Variants in MCM5 observed in about 807,000 individuals in gnomAD.
The protein encoded by MCM5 is DNA replication licensing factor MCM5.
MCM5 carries 46 observed loss-of-function variants against 79.9 expected under a neutral mutation model. The observed-to-expected ratio is 0.58, with a 90% CI of 0.45 to 0.74. The LOEUF is 0.74. Among genes scored for constraint, MCM5 ranks in the 30% least tolerant of loss-of-function variants. MCM5 has a pLI of 0.00. For synonymous variants in MCM5, 404 were observed against 390.5 expected, an observed-to-expected ratio of 1.03 and a Z score of -0.41; for missense variants, 883 against 1,017.0, an observed-to-expected ratio of 0.87 and a Z score of 1.79.
chr22:35,439,311 C>T, the MCM5 span, among the ~76,000 whole-genome samples: 5 of 151,642 alleles, frequency 3.3e-5, no homozygotes, highest in Admixed American at 2.0e-4. Context: ...ATCCATCCAA[C>T]CACCCACCCA....
chr22:35,453,923 G>A, the MCM5 span, among the ~76,000 whole-genome samples: 1 of 151,320 alleles, frequency 6.6e-6, no homozygotes, highest in African/African-American at 2.4e-5. Context: ...AGATACTTAG[G>A]AAGGGGTGTC....
the MCM5 span, among the ~76,000 whole-genome samples, chr22:35,447,171 C>T: frequency 1.3e-5 from 2 of 152,142 alleles, no homozygotes; most frequent in South Asian, 2.1e-4. Context: ...GCGTCCCTCT[C>T]GGTGTTGCTG....
intron 13 of MCM5, among the ~76,000 whole-genome samples, 187 bp downstream of exon 13, chr22:35,418,043 C>CAGTT (rs1932593210): frequency 6.6e-6 from 1 of 152,190 alleles, no homozygotes; most frequent in Non-Finnish European, 1.5e-5. Flanking sequence ...CTCTTGGCTT[C>CAGTT]AGTTTTCCCA....
intron 6 of MCM5, 80 bp from the exon 7 acceptor site, chr22:35,410,664 C>A: frequency 7.1e-7 from 1 of 1,405,902 alleles, no homozygotes; most frequent in Non-Finnish European, 1.0e-6. Context: ...CCTGCGTGTC[C>A]TGGGCATGGG....
chr22:35,443,290 G>A, the MCM5 span, among the ~76,000 whole-genome samples: 2 of 152,146 alleles, frequency 1.3e-5, no homozygotes, highest in African/African-American at 4.8e-5. Flanking sequence ...AGGTTCAAGT[G>A]ATTCTCCTAC....
Position 35,425,254 on chromosome 22 carries a change from G to T in MCM5, c.*999G>T, listed in dbSNP as rs1194174774. The T allele has an allele frequency of 6.6e-6, 1 of 152,038 alleles. No homozygotes were observed. The highest frequency in any genetic ancestry group is 1.5e-5 in the Non-Finnish European group (1 of 68,024). The allele number at this position is 152,038 out of a possible 1,614,324, so 9.4% of individuals were successfully genotyped here. ...TTCATAAAATTAAATAGAAATCAGT[G>T]AAATAAAATATTTGATATTTAAAAT... On this transcript the variant is annotated 3_prime_UTR_variant, in exon 17 of 17. Transcript: ENST00000216122.
the MCM5 span, among the ~76,000 whole-genome samples, chr22:35,436,603 C>T: frequency 7.9e-5 from 12 of 152,218 alleles, no homozygotes; most frequent in African/African-American, 2.2e-4. Flanking sequence ...TCCCTGGCTT[C>T]GTGCCCTCTC....
At chr22:35,443,538 C>G in the MCM5 span, among the ~76,000 whole-genome samples, 2 of 152,256 alleles carry the variant, frequency 1.3e-5, no homozygotes, top group East Asian at 1.9e-4. Flanking sequence ...CACGCCAGTG[C>G]TGCGCCTGCC....
intron 15 of MCM5, chr22:35,421,814 C>A: frequency 2.8e-6 from 1 of 352,732 alleles, no homozygotes; most frequent in South Asian, 2.3e-5. Context: ...TTTTGCCTTA[C>A]AGCTGCCCCC....
Position 35,415,892 on chromosome 22 carries a change from T to G in MCM5, c.1267T>G (p.Ser423Ala). The change falls in exon 10 of 17, where the codon TCG (serine) becomes GCG (alanine). Residue 423 changes from serine (S) to alanine (A), a missense_variant. This residue lies in a region of MCM5 where 426 missense variants were observed against 482.3 expected (regional missense o/e 0.88). Transcript: ENST00000216122. ...GLTASVMRDP[S>A]SRNFIMEGGA... ...GACAGCCTCGGTGATGAGGGACCCTTCGTCCCGGAATTTCATCATGGAGGG... is the reference window on the plus strand; with the variant it reads ...GACAGCCTCGGTGATGAGGGACCCTGCGTCCCGGAATTTCATCATGGAGGG... 6.2e-7 allele frequency: 1 copy of G among 1,614,118 alleles called. No homozygotes were observed. Among genetic ancestry groups the G allele is most frequent in the Non-Finnish European group, 8.5e-7 (1 of 1,180,030 alleles).
rs1931992239 is a variant in MCM5, at chr22:35,400,168, G to C, written c.-49G>C. The C allele has an allele frequency of 2.2e-6, 1 of 460,544 alleles. No individual in the cohort carries two copies. The highest frequency in any genetic ancestry group is 4.0e-6 in the Non-Finnish European group (1 of 252,580). 28.5% of individuals were successfully genotyped at this position (460,544 alleles called of 1,614,324 possible). ...CGAAACTCGGCGGCTGAGCGTGGAGGTTCTTGTCTCCCCTGGTTTGTGAAG... is the reference window on the plus strand; with the variant it reads ...CGAAACTCGGCGGCTGAGCGTGGAGCTTCTTGTCTCCCCTGGTTTGTGAAG... On this transcript the variant is annotated 5_prime_UTR_variant, in exon 1 of 17. Coordinates refer to ENST00000216122, the MANE Select transcript of MCM5 (RefSeq NM_006739.4).
chr22:35,454,777 C>T, the MCM5 span, among the ~76,000 whole-genome samples: 6 of 152,296 alleles, frequency 3.9e-5, no homozygotes, highest in Middle Eastern at 3.4e-3. Context: ...TCTGGCTTCT[C>T]GGCCTCTGCA....
chr22:35,434,647 A>G, the MCM5 span, among the ~76,000 whole-genome samples: 1 of 152,164 alleles, frequency 6.6e-6, no homozygotes, highest in Non-Finnish European at 1.5e-5. Flanking sequence ...GTCTGACAAC[A>G]CCTTTACCCC....
In MCM5 at chr22:35,410,831, G is replaced by A; in HGVS notation, c.840G>A (p.Arg280=). 2 of 1,614,020 alleles carry A rather than the reference G, an allele frequency of 1.2e-6. No homozygotes were observed. The highest frequency in any genetic ancestry group is 1.7e-6 in the Non-Finnish European group (2 of 1,179,910). The change falls in exon 7 of 17, where the codon AGG becomes AGA. Residue 280 remains arginine (R), a synonymous_variant. Coordinates refer to ENST00000216122, the MANE Select transcript of MCM5 (RefSeq NM_006739.4). ...SIKKFGLTTS[R]GRDRVGVGIR... is the part of the protein sequence containing the mutation. ...AGAAGTTTGGCCTGACTACCAGCAGGGGCCGTGACAGGGTGGGCGTGGGCA... is the reference window on the plus strand; with the variant it reads ...AGAAGTTTGGCCTGACTACCAGCAGAGGCCGTGACAGGGTGGGCGTGGGCA...
Position 35,424,260 on chromosome 22 carries a change from C to T in MCM5, c.*5C>T, listed in dbSNP as rs1275762368. The stretch of plus-strand genomic sequence containing the variant: ...GTTCTCTACCGCCTCAAGTGAGTCG[C>T]GCCGCCTCACTGGACTCATGGACTC... On this transcript the variant is annotated 3_prime_UTR_variant, in exon 17 of 17. Coordinates refer to ENST00000216122, the MANE Select transcript of MCM5 (RefSeq NM_006739.4). 3.3e-6 allele frequency: 5 copies of T among 1,537,220 alleles called. No homozygotes were observed. The highest frequency in any genetic ancestry group is 1.4e-5 in the African/African-American group (1 of 72,660).
At chr22:35,409,159 T>C (rs927242861) in intron 6 of MCM5, among the ~76,000 whole-genome samples, 2 of 152,206 alleles carry the variant, frequency 1.3e-5, no homozygotes, top group African/African-American at 4.8e-5. Context: ...GAGATGAGGT[T>C]TCACCTTGTT....
intron 15 of MCM5, chr22:35,422,440 G>A (rs929060215): frequency 2.0e-5 from 3 of 152,402 alleles, no homozygotes; most frequent in African/African-American, 7.2e-5. Flanking sequence ...GAGCAGGTTT[G>A]GTGCATTTGA....
chr22:35,421,864 A>G (rs1161759665), intron 15 of MCM5: 1 of 303,740 alleles, frequency 3.3e-6, no homozygotes, highest in Admixed American at 4.4e-5. Context: ...CATGTTAGAA[A>G]TGAGACAGCT....
chr22:35,412,388 G>T, intron 7 of MCM5, 122 bp from the exon 8 acceptor site: 2 of 734,078 alleles, frequency 2.7e-6, no homozygotes, highest in Non-Finnish European at 4.2e-6. Context: ...AGGTTGTGCT[G>T]TCCTGGCCCT....
Sources: allele counts gnomAD v4.1 joint callset (sites outside exome capture counted in the v4.1 genomes callset), GRCh38; gene constraint gnomAD v4.1.1; regional missense constraint gnomAD v4.1.1; transcripts MANE v1.5; gene names NCBI Gene and HGNC (gene_info 2026-07-23, HGNC 2026-07-21).